The following PDE4D variants were observed in gnomAD, a reference collection of about 807,000 sequenced individuals.
PDE4D encodes phosphodiesterase 4D.
PDE4D carries 24 observed loss-of-function variants against 87.4 expected under a neutral mutation model. The observed-to-expected ratio is 0.27, with a 90% CI of 0.20 to 0.39. PDE4D has a LOEUF of 0.39. Ranked by LOEUF, PDE4D falls within the 10% of genes least tolerant of loss-of-function variation. The pLI is 1.00. For missense variants in PDE4D, 714 were observed against 1,041.0 expected, an observed-to-expected ratio of 0.69 and a Z score of 4.32; for synonymous variants, 384 against 383.2, an observed-to-expected ratio of 1.00 and a Z score of -0.02.
At chr5:59,807,649 T>C (rs1053615070) in intron 1 of PDE4D, among the ~76,000 whole-genome samples, 1 of 152,144 alleles carries the variant, frequency 6.6e-6, no homozygotes, top group African/African-American at 2.4e-5. Context: ...AGCATATTTG[T>C]CAAGGAAAAA....
intron 1 of PDE4D, among the ~76,000 whole-genome samples, chr5:59,725,418 T>C (rs900072501): frequency 3.9e-5 from 6 of 152,102 alleles, no homozygotes; most frequent in Non-Finnish European, 8.8e-5. Flanking sequence ...GTTGAATATT[T>C]TTAAAGTATA....
At chr5:60,351,005 G>A (rs1298697415) in intron 1 of PDE4D, among the ~76,000 whole-genome samples, 2 of 152,126 alleles carry the variant, frequency 1.3e-5, no homozygotes, top group Non-Finnish European at 2.9e-5. Context: ...ACTACAACAA[G>A]CAGATAAAAA....
intron 1 of PDE4D, among the ~76,000 whole-genome samples, chr5:60,502,096 G>T (rs1158261628): frequency 1.3e-5 from 2 of 151,830 alleles, no homozygotes; most frequent in Non-Finnish European, 2.9e-5. Flanking sequence ...GTCCTGAATG[G>T]TAATGCCTAG....
rs143678704 is a variant in PDE4D, at chr5:60,294,254, C to T, written c.-89-108567G>A. Among the ~76,000 whole-genome samples, 587 of 152,242 alleles carry T rather than the reference C, an allele frequency of 3.9e-3. 2 individuals carry two copies. Among genetic ancestry groups the T allele is most frequent in the Non-Finnish European group, 6.4e-3 (438 of 68,002 alleles). On this transcript the variant is annotated intron_variant, in intron 1 of 16. Coordinates refer to the PDE4D transcript ENST00000502484. ...CTTTTGTAAAGTGTCCCTTGAAATG[C>T]TTTGCCCATTTTTATTGAGCTATTT...
intron 2 of PDE4D, among the ~76,000 whole-genome samples, chr5:60,170,318 C>G (rs567104021): frequency 4.6e-5 from 7 of 152,012 alleles, no homozygotes; most frequent in African/African-American, 1.7e-4. Context: ...AAAGTAATGG[C>G]TAGCAACTGA....
At chr5:60,521,928 C>G (rs1200386584) in intron 1 of PDE4D, 1 of 109,612 alleles carries the variant, frequency 9.1e-6, no homozygotes, top group African/African-American at 4.4e-5. Context: ...GGGACTCTGA[C>G]CTGCAGGAAA....
intron 1 of PDE4D, among the ~76,000 whole-genome samples, chr5:59,530,642 G>A (rs934075138): frequency 1.3e-5 from 2 of 152,058 alleles, no homozygotes; most frequent in African/African-American, 4.8e-5. Context: ...ACACAGATGT[G>A]GAACCCATGG....
intron 1 of PDE4D, among the ~76,000 whole-genome samples, chr5:59,312,544 G>A (rs184030753): frequency 2.0e-3 from 302 of 152,236 alleles, no homozygotes; most frequent in African/African-American, 6.9e-3. Flanking sequence ...TAAACCAGGG[G>A]CCAAATGGAA....
Position 59,071,683 on chromosome 5 carries a change from C to CTTTTTTTTTTTTTTTTTTT in PDE4D, c.809-32731_809-32713dup, listed in dbSNP as rs10701223. The stretch of plus-strand genomic sequence containing the variant: ...ACATCTGTACTTTTTTATTTCTCTT[C>CTTTTTTTTTTTTTTTTTTT]TTTTTTTTTTTTTTTTTTTTTGAGA... On this transcript the variant is annotated intron_variant, in intron 5 of 14. Coordinates refer to ENST00000340635, the MANE Select transcript of PDE4D (RefSeq NM_001104631.2). 3.3e-4 allele frequency among the ~76,000 whole-genome samples: 27 copies of CTTTTTTTTTTTTTTTTTTT among 82,404 alleles called. 1 individual carries two copies. The highest frequency in any genetic ancestry group is 4.8e-4 in the South Asian group (1 of 2,076). The allele number at this position is 82,404 out of a possible 152,430, so 54.1% of individuals were successfully genotyped here. A position where few individuals can be genotyped will look rare whatever the true frequency, so the allele number is the denominator to read the frequency against.
At chr5:59,527,180 A>T (rs1051137534) in intron 1 of PDE4D, among the ~76,000 whole-genome samples, 1 of 152,192 alleles carries the variant, frequency 6.6e-6, no homozygotes, top group Non-Finnish European at 1.5e-5. Flanking sequence ...TGTGCATGCA[A>T]GTGTGTTTAC....
At chr5:60,225,454 GAA>G (rs34512778) in intron 1 of PDE4D, among the ~76,000 whole-genome samples, 4 of 147,508 alleles carry the variant, frequency 2.7e-5, no homozygotes, top group East Asian at 2.0e-4. Flanking sequence ...GGGATTGCAT[GAA>G]AAAAAAAAAT....
intron 1 of PDE4D, among the ~76,000 whole-genome samples, chr5:59,771,470 A>AGTG (rs1491378347): frequency 1.1e-5 from 1 of 92,340 alleles, no homozygotes; most frequent in African/African-American, 4.9e-5. Flanking sequence ...AGAAAGAAAG[A>AGTG]AAGAAAGAAA....
intron 1 of PDE4D, among the ~76,000 whole-genome samples, chr5:59,402,889 A>G (rs1210916557): frequency 1.3e-5 from 2 of 152,092 alleles, no homozygotes; most frequent in Non-Finnish European, 2.9e-5. Flanking sequence ...CTCCCATTAC[A>G]GTTATATAAC....
chr5:59,414,687 T>C (rs1793284419), intron 1 of PDE4D, among the ~76,000 whole-genome samples: 1 of 152,204 alleles, frequency 6.6e-6, no homozygotes, highest in Admixed American at 6.5e-5. Flanking sequence ...GAAACCACTG[T>C]GCTCTGTTAC....
chr5:59,754,916 C>T (rs1013682163), intron 1 of PDE4D, among the ~76,000 whole-genome samples: 3 of 149,200 alleles, frequency 2.0e-5, no homozygotes, highest in African/African-American at 7.4e-5. Flanking sequence ...TTAGCATCAC[C>T]CAATCCAAGT....
At chr5:60,267,240 G>A (rs1005855930) in intron 1 of PDE4D, among the ~76,000 whole-genome samples, 3 of 152,142 alleles carry the variant, frequency 2.0e-5, no homozygotes, top group Non-Finnish European at 4.4e-5. Flanking sequence ...CTTCATCAGG[G>A]CCAGTTATTA....
intron 1 of PDE4D, among the ~76,000 whole-genome samples, chr5:59,266,019 T>C (rs1269470064): frequency 6.6e-6 from 1 of 152,118 alleles, no homozygotes; most frequent in Non-Finnish European, 1.5e-5. Flanking sequence ...ATACAAATTA[T>C]AATAGAACTG....
chr5:60,397,550 AC>A (rs1762968606), intron 1 of PDE4D, among the ~76,000 whole-genome samples: 1 of 152,184 alleles, frequency 6.6e-6, no homozygotes, highest in Admixed American at 6.5e-5. Context: ...AAAAACAAAC[AC>A]TATACCACAT....
chr5:60,416,278 A>G (rs1226622395), intron 1 of PDE4D, among the ~76,000 whole-genome samples: 2 of 152,220 alleles, frequency 1.3e-5, no homozygotes, highest in Admixed American at 6.5e-5. Context: ...GTGGGGCCAG[A>G]TAAGAGAATA....
Sources: gnomAD v4.1 joint callset for allele counts (sites outside exome capture counted in the v4.1 genomes callset) on GRCh38, gnomAD v4.1.1 for gene constraint, MANE v1.5 for transcripts, NCBI Gene and HGNC (gene_info 2026-07-23, HGNC 2026-07-21) for gene names.